PRKCQ: variants seen among roughly 807,000 people sequenced by gnomAD.
The protein encoded by PRKCQ is protein kinase C theta, also known as protein kinase C theta type.
In PRKCQ, 41 loss-of-function variants were observed where a neutral mutation model predicts 91.2. The ratio of observed to expected loss-of-function variants is 0.45; its 90% CI spans 0.35 to 0.58. The LOEUF (loss-of-function observed/expected upper bound fraction) is 0.58, where lower values mean the gene tolerates loss of function less well. Among genes scored for constraint, PRKCQ ranks in the 20% least tolerant of loss-of-function variants. The probability of loss-of-function intolerance (pLI) is 0.00; values close to 1 mark genes in which losing one functional copy is unlikely to be tolerated. For synonymous variants in PRKCQ, 307 were observed against 316.9 expected (o/e 0.97, Z 0.33); for missense variants, 673 against 896.5 (o/e 0.75, Z 3.18).
the PRKCQ span, among the ~76,000 whole-genome samples, chr10:6,395,219 G>T: frequency 4.6e-5 from 7 of 150,756 alleles, no homozygotes; most frequent in Non-Finnish European, 2.9e-5. Flanking sequence ...GCCTGCCACC[G>T]TGCCCGGCTA....
chr10:6,407,553 CAT>C, the PRKCQ span, among the ~76,000 whole-genome samples: 1 of 150,982 alleles, frequency 6.6e-6, no homozygotes, highest in Non-Finnish European at 1.5e-5. The surrounding 1 kb of genome is among the most constrained non-coding windows in gnomAD (Gnocchi z 4.0). Context: ...GTGTGTATGG[CAT>C]GTGTGTATGG....
intron 15 of PRKCQ, among the ~76,000 whole-genome samples, chr10:6,443,904 C>A (rs1016756025): frequency 2.0e-5 from 3 of 152,144 alleles, no homozygotes; most frequent in African/African-American, 7.2e-5. Context: ...ACTACTTCTG[C>A]ACCAACCTAA....
intron 12 of PRKCQ, among the ~76,000 whole-genome samples, chr10:6,467,433 T>C (rs1387677665): frequency 2.2e-5 from 1 of 45,900 alleles, no homozygotes; most frequent in Non-Finnish European, 4.0e-5. Context: ...GAGAGAGAGA[T>C]GGTGGGGAGG....
At chr10:6,452,873 G>T (rs202188328) in intron 15 of PRKCQ, among the ~76,000 whole-genome samples, 30,193 of 113,096 alleles carry the variant, frequency 0.27, 3,072 homozygotes, top group East Asian at 0.37. Context: ...TAGCCATATG[G>T]AGAAAGCTGA....
rs555067557 is a variant in PRKCQ at position 6,539,270 on chromosome 10, C to T, written c.-9-24126G>A. Among the ~76,000 whole-genome samples the T allele has an allele frequency of 2.6e-5, 4 of 152,148 alleles. 1 individual carries two copies. In the South Asian group the frequency reaches 8.3e-4, roughly 32 times the overall value. The stretch of plus-strand genomic sequence containing the variant: ...CTTTTCTAAATTCACCTATGTTGAC[C>T]CTTTAGAGCAGGGGTCCTCCAGCCC... On this transcript the variant is annotated intron_variant, in intron 1 of 17. Transcript: ENST00000263125.
chr10:6,479,095 A>T lies in PRKCQ; in HGVS notation c.1250T>A (p.Leu417Ter). The change falls in exon 12 of 18, where the codon TTG becomes TAG. Residue 417 changes from leucine to a stop codon, truncating the protein, a stop_gained. Transcript: ENST00000263125. LOFTEE classifies it high-confidence loss of function. ...CGTGCACTCAACATCATCGTCCATC[A>T]AGACCACATCTTTCTTTAAGGCCTT... ...AIKALKKDVV[L>*]MDDDVECTMV... 6.2e-7 allele frequency: 1 copy of T among 1,614,224 alleles called. No individual in the cohort carries two copies. Among genetic ancestry groups the T allele is most frequent in the South Asian group, 1.1e-5 (1 of 91,082 alleles).
chr10:6,568,896 A>G (rs1372677471), intron 1 of PRKCQ, among the ~76,000 whole-genome samples: 1 of 152,056 alleles, frequency 6.6e-6, no homozygotes, highest in Non-Finnish European at 1.5e-5. Flanking sequence ...ACAAGGGGAG[A>G]TGGAGTCTTT....
At chr10:6,396,444 C>T in the PRKCQ span, among the ~76,000 whole-genome samples, 2 of 152,218 alleles carry the variant, frequency 1.3e-5, no homozygotes, top group Non-Finnish European at 2.9e-5. Context: ...CCCCAGTCTC[C>T]CCATGTCAAG....
chr10:6,513,589 A>T lies in PRKCQ; in HGVS notation c.118+1429T>A, dbSNP rs77006699. ...GTTTTACACTTCAAAGATGTCTGTGACATCTGAAAGGTTTTAGGTTGGGAG... is the reference window on the plus strand; with the variant it reads ...GTTTTACACTTCAAAGATGTCTGTGTCATCTGAAAGGTTTTAGGTTGGGAG... On this transcript the variant is annotated intron_variant, in intron 2 of 17. Coordinates refer to ENST00000263125, the MANE Select transcript of PRKCQ (RefSeq NM_006257.5). 9.7e-3 allele frequency among the ~76,000 whole-genome samples: 1,472 copies of T among 152,324 alleles called. 24 individuals are homozygous for T. The highest frequency in any genetic ancestry group is 0.033 in the African/African-American group (1,384 of 41,570).
rs552647881 is a variant in PRKCQ, at chr10:6,436,591, C to G, written c.1836+5302G>C. On this transcript the variant is annotated intron_variant, in intron 16 of 17. Coordinates refer to ENST00000263125, the MANE Select transcript of PRKCQ (RefSeq NM_006257.5). Reference sequence around the variant, plus strand: ...CACCCTCCTGTCCCCAGCACCCCAACCCCAGGCAACCACTAATCTGACTTC... The same window carrying G: ...CACCCTCCTGTCCCCAGCACCCCAAGCCCAGGCAACCACTAATCTGACTTC... Among the ~76,000 whole-genome samples the G allele has an allele frequency of 2.9e-4, 44 of 152,278 alleles. No homozygotes were observed. In the South Asian group the frequency reaches 7.5e-3, roughly 26 times the overall value.
chr10:6,511,593 G>T (rs1405000871), intron 2 of PRKCQ, among the ~76,000 whole-genome samples: 1 of 152,200 alleles, frequency 6.6e-6, no homozygotes, highest in African/African-American at 2.4e-5. Flanking sequence ...TCAGTCTGAA[G>T]TCCATCTCCA....
intron 4 of PRKCQ, among the ~76,000 whole-genome samples, chr10:6,502,221 A>C (rs1036022948): frequency 1.4e-4 from 22 of 152,224 alleles, no homozygotes; most frequent in African/African-American, 5.3e-4. Context: ...GGAAATGAGG[A>C]AACTATACCA....
At chr10:6,448,690 A>T (rs1834467775) in intron 15 of PRKCQ, among the ~76,000 whole-genome samples, 1 of 152,192 alleles carries the variant, frequency 6.6e-6, no homozygotes, top group Non-Finnish European at 1.5e-5. Context: ...TACAGGTGTG[A>T]GCCACTGCAC....
intron 5 of PRKCQ, 138 bp downstream of exon 5, chr10:6,498,258 A>G: frequency 8.8e-7 from 1 of 1,136,274 alleles, no homozygotes; most frequent in Admixed American, 2.3e-5. Flanking sequence ...TTCTCAGTTC[A>G]GGCAAGGTCC....
intron 12 of PRKCQ, among the ~76,000 whole-genome samples, chr10:6,466,248 G>T (rs1835648249): frequency 6.6e-6 from 1 of 152,202 alleles, no homozygotes; most frequent in Non-Finnish European, 1.5e-5. Flanking sequence ...TGGAGAAAGT[G>T]GTGGGAGGGG....
At chr10:6,424,100 A>G (rs948435097), downstream of PRKCQ, among the ~76,000 whole-genome samples, 1 of 152,112 alleles carries the variant, frequency 6.6e-6, no homozygotes, top group African/African-American at 2.4e-5. Context: ...GTGTGTAAAC[A>G]AGCAAAATTC....
chr10:6,574,970 A>AACG, intron 1 of PRKCQ, among the ~76,000 whole-genome samples: 1 of 100,680 alleles, frequency 9.9e-6, no homozygotes. Flanking sequence ...ACTGAAACAC[A>AACG]CAATCATTCT....
At chr10:6,535,485 C>T (rs1839548670) in intron 1 of PRKCQ, among the ~76,000 whole-genome samples, 1 of 151,338 alleles carries the variant, frequency 6.6e-6, no homozygotes, top group African/African-American at 2.4e-5. Flanking sequence ...TTTTTCAGTA[C>T]CAAATGGTGC....
intron 1 of PRKCQ, among the ~76,000 whole-genome samples, chr10:6,544,500 A>T (rs535038711): frequency 6.6e-6 from 1 of 152,172 alleles, no homozygotes; most frequent in Non-Finnish European, 1.5e-5. Flanking sequence ...TGATAAATGG[A>T]GATAACTGGA....
Sources: gnomAD v4.1 joint callset for allele counts (sites outside exome capture counted in the v4.1 genomes callset) on GRCh38, gnomAD v4.1.1 for gene constraint, Gnocchi (gnomAD v3.1) non-coding constraint, MANE v1.5 for transcripts, NCBI Gene and HGNC (gene_info 2026-07-23, HGNC 2026-07-21) for gene names.